The following TACC1 variants were observed in gnomAD, a reference collection of about 807,000 sequenced individuals.
The protein encoded by TACC1 is transforming acidic coiled-coil containing protein 1.
TACC1 carries 48 observed loss-of-function variants against 84.4 expected under a neutral mutation model. The ratio of observed to expected loss-of-function variants is 0.57; its 90% CI spans 0.45 to 0.72. TACC1 has a LOEUF of 0.72. TACC1 is among the 30% of genes least tolerant of loss of function. The pLI, the probability that TACC1 is intolerant of heterozygous loss-of-function variation, is 0.00. For missense variants in TACC1, 920 were observed against 973.0 expected, an observed-to-expected ratio of 0.95 and a Z score of 0.72; for synonymous variants, 372 against 376.3, an observed-to-expected ratio of 0.99 and a Z score of 0.13.
rs376053122 is a variant in TACC1, at chr8:38,833,157, A to G, written c.1713+1980A>G. Among the ~76,000 whole-genome samples, 23 of 152,184 alleles carry G rather than the reference A, an allele frequency of 1.5e-4. 1 individual carries two copies. The highest frequency in any genetic ancestry group is 7.7e-4 in the East Asian group (4 of 5,206). On this transcript the variant is annotated intron_variant, in intron 6 of 12. Coordinates refer to ENST00000317827, the MANE Select transcript of TACC1 (RefSeq NM_006283.3). ...ATAACAAGCTTGTCCAACTTGCTTA[A>G]TTTTGTTGTTGTTGTTCTGATTGGT...
intron 3 of TACC1, among the ~76,000 whole-genome samples, chr8:38,782,028 T>C (rs1212323841): frequency 6.6e-6 from 1 of 151,748 alleles, no homozygotes; most frequent in Non-Finnish European, 1.5e-5. Flanking sequence ...TTTTTTTCTT[T>C]TATTATTATA....
Position 38,787,730 on chromosome 8 carries a change from T to A in TACC1, c.148T>A (p.Ser50Thr). ...EEEDSQAETKSLSFSSDSEGN... is the reference protein window; with the variant it reads ...EEEDSQAETKTLSFSSDSEGN... ...GGAGGATTCGCAAGCCGAGACCAAA[T>A]CCTTGAGTTTCAGGCAAGTACACGG... is the stretch of plus-strand genomic sequence containing the variant. The change falls in exon 1 of 13, where the codon TCC (serine) becomes ACC (threonine). Residue 50 changes from serine (S) to threonine (T), a missense_variant. Ser to Thr is a moderately conservative substitution (Grantham distance 58). Transcript: ENST00000317827. The A allele has an allele frequency of 6.5e-7, 1 of 1,543,808 alleles. No homozygotes were observed. Among genetic ancestry groups the A allele is most frequent in the South Asian group, 1.2e-5 (1 of 84,480 alleles).
chr8:38,815,707 C>T (rs1825284319), intron 2 of TACC1, among the ~76,000 whole-genome samples: 1 of 152,076 alleles, frequency 6.6e-6, no homozygotes, highest in South Asian at 2.1e-4. Flanking sequence ...GTGTGAGTCA[C>T]CGTGCCCGGC....
chr8:38,803,041 ACT>A (rs1047708746), intron 2 of TACC1, among the ~76,000 whole-genome samples: 13 of 152,324 alleles, frequency 8.5e-5, no homozygotes, highest in African/African-American at 2.9e-4. Context: ...ATTTTTTGAT[ACT>A]GTTATAAATG....
At chr8:38,745,437 A>C (rs1353132296) in exon 3 of TACC1, 2 of 668,118 alleles carry the variant, frequency 3.0e-6, no homozygotes, top group Non-Finnish European at 5.4e-6. Flanking sequence ...ACGTAGTCTT[A>C]AGAGAAAAGT....
intron 6 of TACC1, among the ~76,000 whole-genome samples, chr8:38,833,397 C>T (rs1391635547): frequency 6.6e-6 from 1 of 152,164 alleles, no homozygotes; most frequent in East Asian, 1.9e-4. Flanking sequence ...AAAGTTAAAT[C>T]CTAGGAGACT....
At chr8:38,783,106 C>CTATCTATA (rs1393110234), upstream of TACC1, among the ~76,000 whole-genome samples, 23 of 87,454 alleles carry the variant, frequency 2.6e-4, no homozygotes, top group Admixed American at 3.7e-4. Context: ...ATCTATCTAT[C>CTATCTATA]TATATATATA....
intron 1 of TACC1, among the ~76,000 whole-genome samples, chr8:38,731,929 T>C (rs903498947): frequency 6.6e-6 from 1 of 152,050 alleles, no homozygotes; most frequent in Non-Finnish European, 1.5e-5. Flanking sequence ...CTGGCCAACA[T>C]GGTGAAACTC....
At chr8:38,828,912 TA>T (rs1234078826) in intron 5 of TACC1, among the ~76,000 whole-genome samples, 1 of 152,336 alleles carries the variant, frequency 6.6e-6, no homozygotes, top group Non-Finnish European at 1.5e-5. Context: ...TAGGCTACTG[TA>T]AATTTTCCTG....
chr8:38,835,561 G>A (rs1181774429), intron 6 of TACC1, among the ~76,000 whole-genome samples: 1 of 152,246 alleles, frequency 6.6e-6, no homozygotes, highest in Non-Finnish European at 1.5e-5. Flanking sequence ...AGCAGGCTGG[G>A]TTACAGCAGG....
chr8:38,769,685 G>A (rs1813137054), intron 3 of TACC1, among the ~76,000 whole-genome samples: 1 of 147,206 alleles, frequency 6.8e-6, no homozygotes, highest in African/African-American at 2.5e-5. Flanking sequence ...GGGTGAGGGT[G>A]TGTGGTGTGT....
chr8:38,761,433 C>T (rs1040025147), intron 3 of TACC1, among the ~76,000 whole-genome samples: 10 of 152,194 alleles, frequency 6.6e-5, no homozygotes, highest in Non-Finnish European at 1.5e-4. Context: ...GAGTTTCTGA[C>T]GTCTTCATTG....
chr8:38,736,508 T>C (rs1805993064), intron 1 of TACC1, among the ~76,000 whole-genome samples: 2 of 152,078 alleles, frequency 1.3e-5, no homozygotes, highest in Admixed American at 1.3e-4. Context: ...CCCAGCTACT[T>C]GGAAGGCTGA....
At chr8:38,830,653 G>C (rs1829025096) in intron 5 of TACC1, among the ~76,000 whole-genome samples, 1 of 152,168 alleles carries the variant, frequency 6.6e-6, no homozygotes, top group Admixed American at 6.5e-5. Context: ...AAGGGGTGGA[G>C]GGGAGAATGA....
intron 2 of TACC1, among the ~76,000 whole-genome samples, chr8:38,807,608 A>G (rs1587858307): frequency 6.6e-6 from 1 of 152,220 alleles, no homozygotes; most frequent in Non-Finnish European, 1.5e-5. Context: ...TTGCTGTTTT[A>G]TCTCTTCTTA....
rs1433638188 is a variant in TACC1 at position 38,851,187 on chromosome 8, G to C, written c.*3164G>C. ...ATGATGGTGAAAAACCTAGGATTTGGCAGCCTTCCAGAATGGTATGGAATC... is the reference window on the plus strand; with the variant it reads ...ATGATGGTGAAAAACCTAGGATTTGCCAGCCTTCCAGAATGGTATGGAATC... On this transcript the variant is annotated 3_prime_UTR_variant, in exon 13 of 13. Coordinates refer to ENST00000317827, the MANE Select transcript of TACC1 (RefSeq NM_006283.3). 1 of 152,212 alleles carries C rather than the reference G, an allele frequency of 6.6e-6. No individual in the cohort carries two copies. Among genetic ancestry groups the C allele is most frequent in the African/African-American group, 2.4e-5 (1 of 41,436 alleles). 9.4% of individuals were successfully genotyped at this position (152,212 alleles called of 1,614,324 possible). A position where few individuals can be genotyped will look rare whatever the true frequency, so the allele number is the denominator to read the frequency against.
At chr8:38,776,860 A>G (rs980853864) in intron 3 of TACC1, among the ~76,000 whole-genome samples, 2 of 152,160 alleles carry the variant, frequency 1.3e-5, no homozygotes, top group African/African-American at 4.8e-5. Context: ...ACCTTCATCT[A>G]AGGAAGCTTA....
chr8:38,784,372 C>T (rs1816706868), upstream of TACC1, among the ~76,000 whole-genome samples: 1 of 152,020 alleles, frequency 6.6e-6, no homozygotes, highest in Non-Finnish European at 1.5e-5. Context: ...TCAAGACCAG[C>T]CTGGCCAACA....
At chr8:38,757,209 G>GGGGCC in intron 3 of TACC1, 4 of 262,218 alleles carry the variant, frequency 1.5e-5, no homozygotes, top group African/African-American at 2.4e-5. Flanking sequence ...ACGGCCGGGC[G>GGGGCC]CCCCACCCCG....
Sources: gnomAD v4.1 joint callset for allele counts (sites outside exome capture counted in the v4.1 genomes callset) on GRCh38, gnomAD v4.1.1 for gene constraint, MANE v1.5 for transcripts, NCBI Gene and HGNC (gene_info 2026-07-23, HGNC 2026-07-21) for gene names.